ZMYM2: variants seen among roughly 807,000 people sequenced by gnomAD.
ZMYM2 encodes zinc finger MYM-type protein 2.
In ZMYM2, 56 loss-of-function variants were observed where a neutral mutation model predicts 162.8. The observed-to-expected ratio is 0.34, with a 90% CI of 0.28 to 0.43. ZMYM2 has a LOEUF of 0.43. Ranked by LOEUF, ZMYM2 falls within the 20% of genes least tolerant of loss-of-function variation. The probability of loss-of-function intolerance (pLI) is 1.00; values close to 1 mark genes in which losing one functional copy is unlikely to be tolerated. For synonymous variants in ZMYM2, 510 were observed against 541.6 expected, an observed-to-expected ratio of 0.94 and a Z score of 0.81; for missense variants, 1,275 against 1,621.8, an observed-to-expected ratio of 0.79 and a Z score of 3.67.
intron 2 of ZMYM2, among the ~76,000 whole-genome samples, chr13:19,981,336 A>G (rs1957310605): frequency 6.6e-6 from 1 of 152,052 alleles, no homozygotes; most frequent in Non-Finnish European, 1.5e-5. Context: ...CCCAAACCAC[A>G]TATTTGATGT....
At chr13:19,935,823 C>T in the ZMYM2 span, among the ~76,000 whole-genome samples, 1 of 152,028 alleles carries the variant, frequency 6.6e-6, no homozygotes, top group Non-Finnish European at 1.5e-5. Flanking sequence ...CCACAAGTCT[C>T]AATTATCTGT....
At chr13:19,918,495 C>CTTTTTTTTT in the ZMYM2 span, among the ~76,000 whole-genome samples, 32 of 107,498 alleles carry the variant, frequency 3.0e-4, no homozygotes, top group East Asian at 5.5e-4. Flanking sequence ...TTCTTTCTTT[C>CTTTTTTTTT]TTTTTTTTTT....
the ZMYM2 span, among the ~76,000 whole-genome samples, chr13:19,930,228 C>A: frequency 6.6e-6 from 1 of 152,064 alleles, no homozygotes; most frequent in Non-Finnish European, 1.5e-5. Context: ...TGGTGAAACC[C>A]CATTTCTACT....
chr13:20,026,923 T>C (rs1952637389), intron 8 of ZMYM2, among the ~76,000 whole-genome samples, 161 bp downstream of exon 8: 1 of 152,190 alleles, frequency 6.6e-6, no homozygotes, highest in Non-Finnish European at 1.5e-5. Flanking sequence ...TGTACTACTT[T>C]TTTAGTTCTC....
intron 9 of ZMYM2, among the ~76,000 whole-genome samples, chr13:20,030,401 T>TTAA (rs1952991698): frequency 6.8e-6 from 1 of 147,886 alleles, no homozygotes; most frequent in Admixed American, 6.7e-5. Context: ...TCAGCTAATT[T>TTAA]TTTTTTTTTT....
At chr13:19,971,258 ATATATTTTTTTT>A (rs1956302309) in intron 2 of ZMYM2, among the ~76,000 whole-genome samples, 1 of 104,204 alleles carries the variant, frequency 9.6e-6, no homozygotes, top group Admixed American at 1.1e-4. Context: ...ATATATATAT[ATATATTTTTTTT>A]TTTTTTTTTT....
At chr13:20,060,452 G>T (rs1956144408) in intron 16 of ZMYM2, among the ~76,000 whole-genome samples, 1 of 152,176 alleles carries the variant, frequency 6.6e-6, no homozygotes, top group African/African-American at 2.4e-5. Context: ...GCTGACATGG[G>T]CAGATCACCT....
Position 20,035,829 on chromosome 13 carries a change from C to T in ZMYM2, c.2120-908C>T, listed in dbSNP as rs572167280. On this transcript the variant is annotated intron_variant, in intron 11 of 24. Coordinates refer to ENST00000610343, the MANE Select transcript of ZMYM2 (RefSeq NM_197968.4). ...ATAACAAAACACATAATACCTAGTA[C>T]GACCATCAAACTCTAGTTAGATAAA... Among the ~76,000 whole-genome samples the T allele has an allele frequency of 1.3e-3, 192 of 152,042 alleles. 1 individual carries two copies. The highest frequency in any genetic ancestry group is 4.5e-3 in the African/African-American group (187 of 41,460).
chr13:19,904,087 G>T, the ZMYM2 span, among the ~76,000 whole-genome samples: 2 of 152,014 alleles, frequency 1.3e-5, no homozygotes, highest in Admixed American at 1.3e-4. Flanking sequence ...CATTAAAAAG[G>T]CTGATCCATA....
intron 24 of ZMYM2, among the ~76,000 whole-genome samples, chr13:20,085,435 T>G (rs1353715703): frequency 6.6e-6 from 1 of 152,210 alleles, no homozygotes; most frequent in Non-Finnish European, 1.5e-5. Context: ...TTTTTTAATT[T>G]TATGTGCTGC....
chr13:19,984,724 G>T (rs1324552225), intron 2 of ZMYM2, among the ~76,000 whole-genome samples: 2 of 152,188 alleles, frequency 1.3e-5, no homozygotes, highest in Admixed American at 1.3e-4. Flanking sequence ...ATGATATGTA[G>T]AAGTGACCAA....
the ZMYM2 span, among the ~76,000 whole-genome samples, chr13:19,937,499 T>G: frequency 6.7e-6 from 1 of 149,032 alleles, no homozygotes; most frequent in Non-Finnish European, 1.5e-5. Flanking sequence ...AGTCTCGTTA[T>G]GTCGCTCAAG....
In ZMYM2 at chr13:20,042,806, G is replaced by A. The variant is rs938819102; in HGVS notation, c.2292+5897G>A. Among the ~76,000 whole-genome samples the A allele has an allele frequency of 1.6e-4, 24 of 151,970 alleles. 1 individual carries two copies. The highest frequency in any genetic ancestry group is 7.9e-4 in the Admixed American group (12 of 15,246). On this transcript the variant is annotated intron_variant, in intron 12 of 24. Transcript: ENST00000610343. ...TGGCATGATCTTGGCTTACTGCAGC[G>A]TCCACCTGCCAGGTTCAAGTGATTG...
rs5802035 is a variant in ZMYM2 at position 19,971,244 on chromosome 13, G to GTGTGTATATATATATATATA, written c.-11+11219_-11+11220insGTGTATATATATATATATAT. 8.4e-4 allele frequency among the ~76,000 whole-genome samples: 42 copies of GTGTGTATATATATATATATA among 50,068 alleles called. 1 individual carries two copies. The highest frequency in any genetic ancestry group is 0.012 in the Middle Eastern group (1 of 84). The allele number at this position is 50,068 out of a possible 152,430, so 32.8% of individuals were successfully genotyped here. ...TTTATATATATGTGTGTGTGTGTGT[G>GTGTGTATATATATATATATA]TATATATATATATATATATTTTTTT... On this transcript the variant is annotated intron_variant, in intron 2 of 24. Coordinates refer to ENST00000610343, the MANE Select transcript of ZMYM2 (RefSeq NM_197968.4).
chr13:19,907,190 CTTTAT>C, the ZMYM2 span, among the ~76,000 whole-genome samples: 7 of 152,070 alleles, frequency 4.6e-5, no homozygotes, highest in Admixed American at 4.6e-4. Context: ...TTATAAATTA[CTTTAT>C]TTTAATTTTG....
chr13:19,904,414 C>T, the ZMYM2 span, among the ~76,000 whole-genome samples: 337 of 135,698 alleles, frequency 2.5e-3, 6 homozygotes, highest in Admixed American at 0.019. Flanking sequence ...AAACGTTAGC[C>T]GGGCGTGGTG....
upstream of ZMYM2, among the ~76,000 whole-genome samples, chr13:19,956,583 G>A (rs1166842644): frequency 1.3e-5 from 2 of 152,106 alleles, no homozygotes; most frequent in Non-Finnish European, 2.9e-5. Flanking sequence ...ACAGTTGCAT[G>A]GACAGATGTA....
rs1593309350 is a variant in ZMYM2, at chr13:20,088,947, C to A, written c.*2933C>A. On this transcript the variant is annotated 3_prime_UTR_variant, in exon 25 of 25. Transcript: ENST00000610343. ...AATATCTTGCAGCCTTAAATCACTA[C>A]AAACATTTGCATTTTTATTATGCCA... is the stretch of plus-strand genomic sequence containing the variant. 1 of 198,662 alleles carries A rather than the reference C, an allele frequency of 5.0e-6. No individual in the cohort carries two copies. The highest frequency in any genetic ancestry group is 1.0e-5 in the Non-Finnish European group (1 of 95,970). 12.3% of individuals were successfully genotyped at this position (198,662 alleles called of 1,614,324 possible).
At chr13:19,892,510 T>G in the ZMYM2 span, among the ~76,000 whole-genome samples, 2 of 151,434 alleles carry the variant, frequency 1.3e-5, no homozygotes, top group South Asian at 4.2e-4. Context: ...CTCCTGACCT[T>G]GTGATCCGCC....
Sources: gnomAD v4.1 joint callset for allele counts (sites outside exome capture counted in the v4.1 genomes callset) on GRCh38, gnomAD v4.1.1 for gene constraint, MANE v1.5 for transcripts, NCBI Gene and HGNC (gene_info 2026-07-23, HGNC 2026-07-21) for gene names.